The following SKAP2 variants were observed in gnomAD, a reference collection of about 807,000 sequenced individuals.
SKAP2 encodes the protein src kinase-associated phosphoprotein 2.
Under a neutral mutation model 54.9 loss-of-function variants are expected in SKAP2, and 28 were observed. The observed-to-expected ratio is 0.51, with a 90% CI of 0.38 to 0.70. The LOEUF is 0.70. SKAP2 is among the 30% of genes least tolerant of loss of function. The pLI, the probability that SKAP2 is intolerant of heterozygous loss-of-function variation, is 0.00. For synonymous variants in SKAP2, 137 were observed against 134.3 expected (o/e 1.02, Z -0.14); for missense variants, 356 against 424.1 (o/e 0.84, Z 1.41).
chr7:26,846,632 T>C (rs1784926636), intron 3 of SKAP2, among the ~76,000 whole-genome samples: 1 of 152,192 alleles, frequency 6.6e-6, no homozygotes. Flanking sequence ...CATGGTTTGG[T>C]TTTTATGAAA....
intron 4 of SKAP2, among the ~76,000 whole-genome samples, chr7:26,758,916 T>G (rs557646105): frequency 6.6e-6 from 1 of 152,162 alleles, no homozygotes. Flanking sequence ...TACAAACGGA[T>G]TTTTGGACGT....
At chr7:26,664,481 C>T (rs925758367), downstream of SKAP2, among the ~76,000 whole-genome samples, 1 of 152,060 alleles carries the variant, frequency 6.6e-6, no homozygotes, top group Non-Finnish European at 1.5e-5. Flanking sequence ...ATTTTCTCCT[C>T]CACGAAAGCA....
chr7:26,845,474 T>C (rs1784902821), intron 3 of SKAP2, among the ~76,000 whole-genome samples: 2 of 152,242 alleles, frequency 1.3e-5, no homozygotes, highest in Admixed American at 6.5e-5. Flanking sequence ...TTAGGGATTC[T>C]ACTACTAGGT....
intron 4 of SKAP2, among the ~76,000 whole-genome samples, chr7:26,821,045 T>C (rs1047609260): frequency 2.0e-5 from 3 of 152,318 alleles, no homozygotes; most frequent in Middle Eastern, 3.4e-3. Context: ...CCCAGGTATA[T>C]AGGATACAAT....
intron 6 of SKAP2, among the ~76,000 whole-genome samples, chr7:26,729,602 A>G (rs1787779459): frequency 1.3e-5 from 2 of 152,112 alleles, no homozygotes. Flanking sequence ...TGCAGCAGCA[A>G]AACAAATGAT....
intron 9 of SKAP2, among the ~76,000 whole-genome samples, chr7:26,694,337 C>T (rs914188964): frequency 6.6e-6 from 1 of 152,104 alleles, no homozygotes; most frequent in African/African-American, 2.4e-5. Flanking sequence ...AATCATATTG[C>T]AAACCTGGAA....
chr7:26,861,100 CAAAT>C (rs762729832), intron 1 of SKAP2, among the ~76,000 whole-genome samples: 9 of 151,700 alleles, frequency 5.9e-5, no homozygotes, highest in Admixed American at 1.3e-4. Flanking sequence ...TGTCCTAAAA[CAAAT>C]GAATGAGGAT....
chr7:26,777,897 A>T (rs1239143186), intron 4 of SKAP2, among the ~76,000 whole-genome samples: 1 of 151,302 alleles, frequency 6.6e-6, no homozygotes, highest in African/African-American at 2.4e-5. Flanking sequence ...CTACATACTC[A>T]TTTTTTTTTA....
intron 9 of SKAP2, among the ~76,000 whole-genome samples, chr7:26,705,909 C>A (rs1787146129): frequency 6.6e-6 from 1 of 152,154 alleles, no homozygotes; most frequent in Non-Finnish European, 1.5e-5. Context: ...TAGGGACATA[C>A]ATACACACTT....
At chr7:26,754,133 G>A (rs1782739541) in intron 4 of SKAP2, among the ~76,000 whole-genome samples, 1 of 152,122 alleles carries the variant, frequency 6.6e-6, no homozygotes, top group Non-Finnish European at 1.5e-5. Flanking sequence ...GGAGGCTGAG[G>A]CGAGTGGATC....
rs371274766 is a variant in SKAP2, at chr7:26,670,118, C to T, written c.1062G>A (p.Met354Ile). Reference protein sequence around the residue: ...AIGLVPKAYIMEMYDI With the variant: ...AIGLVPKAYIIEMYDI ...AGGACTCTCAAATATCATACATCTC[C>T]ATTATGTAGGCTTTAGGCACCAAGC... The change falls in exon 12 of 13, where the codon ATG becomes ATA. Residue 354 changes from methionine (M) to isoleucine (I), a missense_variant. Met to Ile is a conservative substitution (Grantham distance 10). Transcript: ENST00000345317. 100 of 1,518,888 alleles carry T rather than the reference C, an allele frequency of 6.6e-5. No individual in the cohort carries two copies. The highest frequency in any genetic ancestry group is 8.4e-5 in the Non-Finnish European group (92 of 1,093,408). The allele number at this position is 1,518,888 out of a possible 1,614,324, so 94.1% of individuals were successfully genotyped here.
At chr7:26,798,062 A>G (rs1783820491) in intron 4 of SKAP2, among the ~76,000 whole-genome samples, 1 of 152,032 alleles carries the variant, frequency 6.6e-6, no homozygotes, top group Admixed American at 6.6e-5. Flanking sequence ...ACTCCTAAAG[A>G]AAGATATCAA....
At chr7:26,836,641 C>T (rs1784719223) in intron 4 of SKAP2, among the ~76,000 whole-genome samples, 1 of 152,156 alleles carries the variant, frequency 6.6e-6, no homozygotes, top group South Asian at 2.1e-4. Flanking sequence ...CATGAGATAC[C>T]ATCTTACACC....
At chr7:26,848,660 G>C (rs916992414) in intron 3 of SKAP2, among the ~76,000 whole-genome samples, 2 of 152,008 alleles carry the variant, frequency 1.3e-5, no homozygotes, top group Admixed American at 1.3e-4. Flanking sequence ...AAGACAAATG[G>C]GGAAAAATTA....
At chr7:26,760,116 T>G (rs1165440289) in intron 4 of SKAP2, among the ~76,000 whole-genome samples, 1 of 152,176 alleles carries the variant, frequency 6.6e-6, no homozygotes, top group Non-Finnish European at 1.5e-5. Flanking sequence ...TTTTTAGGAA[T>G]TACACTAAAT....
At chr7:26,777,039 G>A (rs1253285739) in intron 4 of SKAP2, among the ~76,000 whole-genome samples, 1 of 152,098 alleles carries the variant, frequency 6.6e-6, no homozygotes, top group East Asian at 1.9e-4. Flanking sequence ...AAACCAAAAT[G>A]TAGCTGGGAC....
At chr7:26,858,398 TG>T (rs1277105095) in intron 1 of SKAP2, among the ~76,000 whole-genome samples, 1 of 152,198 alleles carries the variant, frequency 6.6e-6, no homozygotes, top group African/African-American at 2.4e-5. Context: ...ACGGTACAGC[TG>T]TAAGGATCTG....
At chr7:26,784,455 G>T (rs1368330830) in intron 4 of SKAP2, among the ~76,000 whole-genome samples, 1 of 152,152 alleles carries the variant, frequency 6.6e-6, no homozygotes, top group Admixed American at 6.5e-5. Context: ...GAAAGCCAGC[G>T]ATAAAATATC....
intron 1 of SKAP2, among the ~76,000 whole-genome samples, chr7:26,861,465 G>A (rs1785269450): frequency 6.6e-6 from 1 of 152,000 alleles, no homozygotes; most frequent in African/African-American, 2.4e-5. Flanking sequence ...GTCCTTTTCT[G>A]TTCATATAAC....
Sources: gnomAD v4.1 joint callset for allele counts (sites outside exome capture counted in the v4.1 genomes callset) on GRCh38, gnomAD v4.1.1 for gene constraint, MANE v1.5 for transcripts, NCBI Gene and HGNC (gene_info 2026-07-23, HGNC 2026-07-21) for gene names.